The following TRPM8 variants were observed in gnomAD, a reference collection of about 807,000 sequenced individuals.
TRPM8 encodes TRPM8 cationic channel.
Under a neutral mutation model 133.7 loss-of-function variants are expected in TRPM8, and 110 were observed. The ratio of observed to expected loss-of-function variants is 0.82; its 90% CI spans 0.70 to 0.96. The LOEUF is 0.96. TRPM8 is among the 40% of genes least tolerant of loss of function. TRPM8 has a pLI of 0.00. For missense variants in TRPM8, 1,291 were observed against 1,379.5 expected (o/e 0.94, Z 1.02); for synonymous variants, 535 against 532.3 (o/e 1.01, Z -0.07).
intron 22 of TRPM8, among the ~76,000 whole-genome samples, chr2:233,997,672 C>G (rs771899930): frequency 6.6e-6 from 1 of 152,130 alleles, no homozygotes; most frequent in Non-Finnish European, 1.5e-5. Flanking sequence ...GTGGCTCCCC[C>G]CTACCCCAGC....
chr2:233,977,744 C>T (rs139052444), intron 17 of TRPM8, among the ~76,000 whole-genome samples: 13 of 152,296 alleles, frequency 8.5e-5, no homozygotes, highest in Non-Finnish European at 1.3e-4. Flanking sequence ...GTTGACAATA[C>T]ATTAGCAGAT....
At chr2:233,962,306 C>T (rs1691459359) in intron 12 of TRPM8, among the ~76,000 whole-genome samples, 2 of 152,204 alleles carry the variant, frequency 1.3e-5, no homozygotes, top group South Asian at 4.2e-4. Flanking sequence ...AATACCCCCA[C>T]TTGAAGGAGC....
intron 9 of TRPM8, among the ~76,000 whole-genome samples, chr2:233,952,274 G>A: frequency 6.6e-6 from 1 of 152,200 alleles, no homozygotes; most frequent in East Asian, 1.9e-4. Context: ...AAAGGTTTAG[G>A]TTGAGTGATG....
intron 16 of TRPM8, 79 bp from the exon 17 acceptor site, chr2:233,970,131 C>T (rs1691674238): frequency 3.9e-6 from 5 of 1,298,256 alleles, no homozygotes; most frequent in South Asian, 3.5e-5. Context: ...CTGTATTTAT[C>T]TATGTTTGGA....
chr2:233,982,663 C>T (rs1394799187), intron 19 of TRPM8, among the ~76,000 whole-genome samples: 1 of 152,050 alleles, frequency 6.6e-6, no homozygotes, highest in Non-Finnish European at 1.5e-5. Context: ...TCCAAACAAG[C>T]AAATAAACCA....
chr2:233,970,640 C>T lies in TRPM8; in HGVS notation c.2355+214C>T, dbSNP rs568086510. On this transcript the variant is annotated intron_variant, in intron 17 of 25. Transcript: ENST00000324695. ...CCTAGTACCAAGTTTATTCTTTGCTCTCTAATGAATGTTAATTGATGGAGA... is the reference window on the plus strand; with the variant it reads ...CCTAGTACCAAGTTTATTCTTTGCTTTCTAATGAATGTTAATTGATGGAGA... The T allele has an allele frequency of 3.7e-4, 215 of 582,134 alleles. 2 individuals are homozygous for T. The African/African-American group carries it at 3.8e-3, about 10-fold the overall frequency. The allele number at this position is 582,134 out of a possible 1,614,324, so 36.1% of individuals were successfully genotyped here.
intron 19 of TRPM8, among the ~76,000 whole-genome samples, 171 bp downstream of exon 19, chr2:233,982,086 A>G (rs1443740212): frequency 2.0e-5 from 3 of 152,206 alleles, no homozygotes; most frequent in African/African-American, 7.2e-5. Context: ...AAATTTAATG[A>G]AAGATGGTTG....
chr2:233,924,204 TGGG>T (rs1364181560), intron 1 of TRPM8, among the ~76,000 whole-genome samples: 1 of 152,226 alleles, frequency 6.6e-6, no homozygotes, highest in African/African-American at 2.4e-5. Context: ...GGACTCATGC[TGGG>T]CATGGACATC....
At chr2:233,922,204 G>T (rs1488064893) in intron 1 of TRPM8, among the ~76,000 whole-genome samples, 1 of 152,074 alleles carries the variant, frequency 6.6e-6, no homozygotes, top group African/African-American at 2.4e-5. Context: ...CAGTCAGCAA[G>T]GGTTGTGCAA....
At chr2:233,972,112 G>A (rs2125233798) in intron 17 of TRPM8, among the ~76,000 whole-genome samples, 1 of 152,288 alleles carries the variant, frequency 6.6e-6, no homozygotes, top group African/African-American at 2.4e-5. Flanking sequence ...CCCTGAGCTA[G>A]ACACAGGGTG....
At chr2:233,959,336 T>C (rs1246858883) in intron 11 of TRPM8, among the ~76,000 whole-genome samples, 1 of 147,702 alleles carries the variant, frequency 6.8e-6, no homozygotes, top group Non-Finnish European at 1.5e-5. Context: ...TTTTTTTTTT[T>C]TTTTTTTTGA....
intron 21 of TRPM8, among the ~76,000 whole-genome samples, chr2:233,993,182 T>C (rs1267469157): frequency 1.3e-5 from 2 of 152,202 alleles, no homozygotes; most frequent in African/African-American, 4.8e-5. Flanking sequence ...AGCTGGTTCA[T>C]TCACACCCCC....
intron 2 of TRPM8, among the ~76,000 whole-genome samples, chr2:233,929,185 T>G (rs1316319009): frequency 6.6e-6 from 1 of 152,146 alleles, no homozygotes; most frequent in East Asian, 1.9e-4. Flanking sequence ...GTAACATTCT[T>G]AGATGTGGAA....
At chr2:233,935,384 C>T (rs1436230775) in intron 3 of TRPM8, among the ~76,000 whole-genome samples, 1 of 152,164 alleles carries the variant, frequency 6.6e-6, no homozygotes, top group Non-Finnish European at 1.5e-5. Context: ...GACCCTGCAT[C>T]CTGGTGCTGA....
At chr2:233,968,200 C>T (rs1410921115) in intron 15 of TRPM8, 1 of 152,224 alleles carries the variant, frequency 6.6e-6, no homozygotes, top group Non-Finnish European at 1.5e-5. Flanking sequence ...CTAAGCACTG[C>T]CTGTCTCCGT....
At chr2:233,921,720 A>G (rs970552815) in intron 1 of TRPM8, among the ~76,000 whole-genome samples, 1 of 117,578 alleles carries the variant, frequency 8.5e-6, no homozygotes, top group African/African-American at 3.5e-5. Context: ...TCTGTCACCC[A>G]GGCTGGAGTG....
intron 20 of TRPM8, among the ~76,000 whole-genome samples, chr2:233,985,321 T>C (rs1462004450): frequency 6.6e-6 from 1 of 152,228 alleles, no homozygotes; most frequent in African/African-American, 2.4e-5. Flanking sequence ...TCTCAGTTTA[T>C]GCTTCTCAGA....
At chr2:233,970,613 C>T (rs536415760) in intron 17 of TRPM8, 187 bp downstream of exon 17, 33 of 606,568 alleles carry the variant, frequency 5.4e-5, no homozygotes, top group Non-Finnish European at 9.3e-5. Context: ...TCAGTAAGGT[C>T]TCCTAGTACC....
intron 22 of TRPM8, among the ~76,000 whole-genome samples, chr2:233,997,091 C>T (rs903312840): frequency 1.3e-5 from 2 of 151,990 alleles, no homozygotes; most frequent in Admixed American, 1.3e-4. Context: ...ACGGTGAAAC[C>T]CCATCTCTAC....
Sources: gnomAD v4.1 joint callset for allele counts (sites outside exome capture counted in the v4.1 genomes callset) on GRCh38, gnomAD v4.1.1 for gene constraint, MANE v1.5 for transcripts, NCBI Gene and HGNC (gene_info 2026-07-23, HGNC 2026-07-21) for gene names.